L3MBTL4: variants seen among roughly 807,000 people sequenced by gnomAD.
L3MBTL4 encodes the protein lethal(3)malignant brain tumor-like protein 4.
Under a neutral mutation model 84.5 loss-of-function variants are expected in L3MBTL4, and 70 were observed. The ratio of observed to expected loss-of-function variants is 0.83; its 90% confidence interval spans 0.68 to 1.01. L3MBTL4 has a LOEUF of 1.01. Ranked by LOEUF, L3MBTL4 falls within the 50% of genes least tolerant of loss-of-function variation. The pLI is 0.00. For synonymous variants in L3MBTL4, 274 were observed against 259.8 expected (o/e 1.05, Z -0.52); for missense variants, 715 against 754.8 (o/e 0.95, Z 0.62).
At position 6,223,904 on chromosome 18, in the gene L3MBTL4, CA is replaced by C. The variant is rs201153176; in HGVS notation, c.785-8070del. On this transcript the variant is annotated intron_variant, in intron 10 of 18. Coordinates refer to ENST00000317931, the MANE Select transcript of L3MBTL4 (RefSeq NM_001330559.2). Reference sequence around the variant, plus strand: ...ATTATACTGTGACAGGAGCAAGAAACAAAATCTTAAATGTGCTAAAAGCACT... The same window carrying C: ...ATTATACTGTGACAGGAGCAAGAAACAAATCTTAAATGTGCTAAAAGCACT... 1.2e-3 allele frequency among the ~76,000 whole-genome samples: 189 copies of C among 152,236 alleles called. 5 individuals are homozygous for C. The East Asian group carries it at 0.033, about 26-fold the overall frequency.
intron 16 of L3MBTL4, among the ~76,000 whole-genome samples, chr18:5,999,858 G>A (rs183524560): frequency 6.6e-6 from 1 of 152,276 alleles, no homozygotes; most frequent in East Asian, 1.9e-4. Context: ...GGGTGAGCAG[G>A]GTTGGTATAA....
chr18:6,173,029 A>C (rs1174093234), intron 12 of L3MBTL4, among the ~76,000 whole-genome samples: 1 of 152,204 alleles, frequency 6.6e-6, no homozygotes, highest in Non-Finnish European at 1.5e-5. Flanking sequence ...TAAAAATGCA[A>C]ATTCTTGGCT....
intron 16 of L3MBTL4, among the ~76,000 whole-genome samples, chr18:6,001,811 C>A (rs2054226673): frequency 6.6e-6 from 1 of 151,930 alleles, no homozygotes; most frequent in South Asian, 2.1e-4. Flanking sequence ...ATAAGCAGAC[C>A]AATATACACA....
chr18:6,164,251 G>T (rs1046335325), intron 13 of L3MBTL4, among the ~76,000 whole-genome samples: 3 of 152,202 alleles, frequency 2.0e-5, no homozygotes, highest in Admixed American at 2.0e-4. Flanking sequence ...TCCACCTCTG[G>T]GGGCAGGGCA....
At chr18:6,180,869 T>C (rs2044437743) in intron 12 of L3MBTL4, among the ~76,000 whole-genome samples, 1 of 152,154 alleles carries the variant, frequency 6.6e-6, no homozygotes, top group Non-Finnish European at 1.5e-5. Flanking sequence ...GGCCAAAAAG[T>C]GGTAACAATC....
intron 1 of L3MBTL4, among the ~76,000 whole-genome samples, chr18:6,378,933 G>A (rs895025925): frequency 5.3e-5 from 8 of 152,046 alleles, no homozygotes; most frequent in Admixed American, 3.3e-4. Context: ...TCACGGTATT[G>A]ATTCTTCCTA....
rs576452027 is a variant in L3MBTL4, at chr18:5,983,775, G to A, written c.1445-14213C>T. ...CCCCTCCCACTTCCCAAATAGCCCAGGACTCTTCAGGGAACTTACTGCCTC... is the reference window on the plus strand; with the variant it reads ...CCCCTCCCACTTCCCAAATAGCCCAAGACTCTTCAGGGAACTTACTGCCTC... On this transcript the variant is annotated intron_variant, in intron 16 of 18. Coordinates refer to ENST00000317931, the MANE Select transcript of L3MBTL4 (RefSeq NM_001330559.2). Among the ~76,000 whole-genome samples, 21 of 152,204 alleles carry A rather than the reference G, an allele frequency of 1.4e-4. No individual in the cohort carries two copies. In the East Asian group the frequency reaches 3.7e-3, roughly 27 times the overall value.
At chr18:6,049,570 G>GTGGATGCAGC (rs2056768936) in intron 16 of L3MBTL4, among the ~76,000 whole-genome samples, 1 of 152,304 alleles carries the variant, frequency 6.6e-6, no homozygotes, top group Non-Finnish European at 1.5e-5. Context: ...TTGCAACAAC[G>GTGGATGCAGC]TGGATGCAGC....
chr18:6,203,367 G>A (rs1056714522), intron 12 of L3MBTL4, among the ~76,000 whole-genome samples: 1 of 152,182 alleles, frequency 6.6e-6, no homozygotes, highest in East Asian at 1.9e-4. Flanking sequence ...CCAAAGCAGG[G>A]AGTATACATT....
chr18:6,186,443 T>C (rs865988987), intron 12 of L3MBTL4, among the ~76,000 whole-genome samples: 1 of 152,048 alleles, frequency 6.6e-6, no homozygotes, highest in Non-Finnish European at 1.5e-5. Context: ...CTTACACTAA[T>C]GGAAGGCCCT....
intron 1 of L3MBTL4, among the ~76,000 whole-genome samples, chr18:6,366,157 T>C (rs995273597): frequency 1.3e-5 from 2 of 152,224 alleles, no homozygotes; most frequent in Non-Finnish European, 2.9e-5. Context: ...ATGTCTAAAA[T>C]TTATAAACTT....
intron 14 of L3MBTL4, among the ~76,000 whole-genome samples, chr18:6,134,281 A>G (rs1368305178): frequency 6.6e-6 from 1 of 152,106 alleles, no homozygotes; most frequent in Non-Finnish European, 1.5e-5. Context: ...ATTCTGAGAG[A>G]TACAATTCAA....
chr18:6,173,217 A>T (rs1311455456), intron 12 of L3MBTL4, among the ~76,000 whole-genome samples: 1 of 152,202 alleles, frequency 6.6e-6, no homozygotes, highest in Non-Finnish European at 1.5e-5. Context: ...GTGCCCTTTC[A>T]TAGTAATAAC....
chr18:5,975,541 G>A (rs72873873), intron 16 of L3MBTL4, among the ~76,000 whole-genome samples: 2,312 of 152,282 alleles, frequency 0.015, 20 homozygotes, highest in Middle Eastern at 0.041. Flanking sequence ...TTTTCAGCTG[G>A]GAACGTTGTT....
intron 12 of L3MBTL4, 61 bp downstream of exon 12, chr18:6,213,088 G>A (rs2046178495): frequency 2.2e-6 from 2 of 921,314 alleles, no homozygotes; most frequent in South Asian, 3.9e-5. Context: ...GGAGGGTAGA[G>A]GAAACAAAAG....
chr18:5,981,762 T>C (rs2053231728), intron 16 of L3MBTL4, among the ~76,000 whole-genome samples: 1 of 152,000 alleles, frequency 6.6e-6, no homozygotes, highest in African/African-American at 2.4e-5. Flanking sequence ...ATTGTGCCAC[T>C]GTACTCCAGG....
intron 14 of L3MBTL4, among the ~76,000 whole-genome samples, chr18:6,108,369 T>A (rs1033356361): frequency 2.6e-5 from 4 of 152,158 alleles, no homozygotes; most frequent in Non-Finnish European, 5.9e-5. Context: ...TTTAAAAAAC[T>A]GTCTATAAAA....
intron 16 of L3MBTL4, among the ~76,000 whole-genome samples, chr18:6,008,406 A>G (rs76752883): frequency 0.012 from 1,770 of 152,278 alleles, 12 homozygotes; most frequent in Non-Finnish European, 0.018. Context: ...CTTTCTATCC[A>G]GGTGTCTTAA....
At chr18:5,991,103 C>T (rs1237697602) in intron 16 of L3MBTL4, among the ~76,000 whole-genome samples, 3 of 152,130 alleles carry the variant, frequency 2.0e-5, no homozygotes, top group African/African-American at 7.2e-5. Flanking sequence ...CACCCCTCTT[C>T]TCTTTGCTTG....
Sources: allele counts gnomAD v4.1 joint callset (sites outside exome capture counted in the v4.1 genomes callset), GRCh38; gene constraint gnomAD v4.1.1; transcripts MANE v1.5; gene names NCBI Gene and HGNC (gene_info 2026-07-23, HGNC 2026-07-21).